Variants in DPYD observed in about 807,000 individuals in gnomAD.
DPYD encodes the protein dihydropyrimidine dehydrogenase, also known as dihydropyrimidine dehydrogenase [NADP(+)].
DPYD carries 109 observed loss-of-function variants against 116.2 expected under a neutral mutation model. The ratio of observed to expected loss-of-function variants is 0.94; its 90% CI spans 0.80 to 1.10. DPYD has a LOEUF of 1.10. DPYD is among the 50% of genes least tolerant of loss of function. The probability of loss-of-function intolerance (pLI) is 0.00; values close to 1 mark genes in which losing one functional copy is unlikely to be tolerated. For missense variants in DPYD, 1,302 were observed against 1,254.5 expected (o/e 1.04, Z -0.57); for synonymous variants, 440 against 432.0 (o/e 1.02, Z -0.23).
intron 16 of DPYD, among the ~76,000 whole-genome samples, chr1:97,359,157 G>C (rs1296073063): frequency 6.6e-6 from 1 of 152,004 alleles, no homozygotes; most frequent in Non-Finnish European, 1.5e-5. Context: ...CGAGAACTAC[G>C]TGACACATGC....
chr1:97,204,949 ATTTAAAGGGTCCC>A (rs1659488410), intron 19 of DPYD, among the ~76,000 whole-genome samples: 1 of 152,034 alleles, frequency 6.6e-6, no homozygotes, highest in Admixed American at 6.6e-5. Flanking sequence ...ATAATCCTAG[ATTTAAAGGGTCCC>A]TTTTGGCCTC....
chr1:97,111,684 A>G (rs1651609597), intron 20 of DPYD, among the ~76,000 whole-genome samples: 1 of 152,038 alleles, frequency 6.6e-6, no homozygotes, highest in South Asian at 2.1e-4. Flanking sequence ...AAAAATCTCC[A>G]ACCCCTCTAA....
At chr1:97,363,370 C>G (rs533575443) in intron 16 of DPYD, among the ~76,000 whole-genome samples, 1 of 152,130 alleles carries the variant, frequency 6.6e-6, no homozygotes, top group African/African-American at 2.4e-5. Context: ...TAAACTAGTT[C>G]AATCATTGTG....
chr1:97,446,443 CT>C (rs1557717329), intron 14 of DPYD, among the ~76,000 whole-genome samples: 1 of 152,170 alleles, frequency 6.6e-6, no homozygotes, highest in Non-Finnish European at 1.5e-5. Flanking sequence ...TGTAGATCAA[CT>C]TCTTTGGAAT....
intron 8 of DPYD, among the ~76,000 whole-genome samples, chr1:97,668,166 G>A (rs994092120): frequency 6.6e-6 from 1 of 152,050 alleles, no homozygotes; most frequent in African/African-American, 2.4e-5. Context: ...TATGCTATGT[G>A]TACTTACCAC....
At chr1:97,444,028 A>T (rs1033320200) in intron 14 of DPYD, among the ~76,000 whole-genome samples, 1 of 152,306 alleles carries the variant, frequency 6.6e-6, no homozygotes, top group East Asian at 1.9e-4. Flanking sequence ...GCTCAAATCC[A>T]AGTCCAAATG....
chr1:97,527,276 A>G (rs2102010430), intron 12 of DPYD, among the ~76,000 whole-genome samples: 1 of 152,098 alleles, frequency 6.6e-6, no homozygotes, highest in Admixed American at 6.6e-5. Flanking sequence ...ACAGGGTTTC[A>G]CCATGTTGGC....
At chr1:97,624,744 G>T (rs1423168433) in intron 8 of DPYD, among the ~76,000 whole-genome samples, 2 of 151,986 alleles carry the variant, frequency 1.3e-5, no homozygotes, top group African/African-American at 4.8e-5. Context: ...AATGGATAAA[G>T]AAAATGTATA....
intron 14 of DPYD, among the ~76,000 whole-genome samples, chr1:97,411,815 G>A (rs1342152569): frequency 1.3e-5 from 2 of 152,074 alleles, no homozygotes; most frequent in Non-Finnish European, 2.9e-5. Flanking sequence ...GAACCTTTCT[G>A]GTATAGACGT....
At chr1:97,084,025 C>A (rs1649336123) in intron 21 of DPYD, among the ~76,000 whole-genome samples, 1 of 151,960 alleles carries the variant, frequency 6.6e-6, no homozygotes, top group Non-Finnish European at 1.5e-5. Flanking sequence ...TAAGTTTCAT[C>A]CTCACATTCT....
chr1:97,398,452 G>A (rs1224293584), intron 14 of DPYD, among the ~76,000 whole-genome samples: 2 of 152,092 alleles, frequency 1.3e-5, no homozygotes, highest in Non-Finnish European at 2.9e-5. Flanking sequence ...AGTCCTTTGG[G>A]TATATACTCA....
intron 20 of DPYD, among the ~76,000 whole-genome samples, chr1:97,113,982 T>TTAG (rs982256561): frequency 9.2e-5 from 14 of 152,090 alleles, no homozygotes; most frequent in African/African-American, 2.7e-4. Context: ...CTCATCATTG[T>TTAG]TAGTAGCCAT....
chr1:97,309,274 G>C (rs1469445684), intron 16 of DPYD, among the ~76,000 whole-genome samples: 1 of 151,316 alleles, frequency 6.6e-6, no homozygotes, highest in Non-Finnish European at 1.5e-5. Context: ...CTTTCTAAAG[G>C]CATTAATGCT....
intron 12 of DPYD, among the ~76,000 whole-genome samples, chr1:97,517,382 G>T (rs1648308777): frequency 1.3e-5 from 2 of 152,054 alleles, no homozygotes; most frequent in Non-Finnish European, 2.9e-5. Flanking sequence ...TGAGGTGTGT[G>T]TATGTATATC....
At chr1:97,446,779 G>T (rs4612663) in intron 14 of DPYD, among the ~76,000 whole-genome samples, 124,960 of 152,010 alleles carry the variant, frequency 0.82, 51,651 homozygotes, top group Non-Finnish European at 0.87. Flanking sequence ...TTCATAAGGC[G>T]TTTGCATTGA....
At chr1:97,175,378 A>G (rs1657172165) in intron 20 of DPYD, among the ~76,000 whole-genome samples, 1 of 152,210 alleles carries the variant, frequency 6.6e-6, no homozygotes. Context: ...CAAAGGACAG[A>G]CTACCAAAAT....
intron 13 of DPYD, among the ~76,000 whole-genome samples, chr1:97,512,556 A>G (rs962208056): frequency 6.6e-6 from 1 of 152,024 alleles, no homozygotes; most frequent in African/African-American, 2.4e-5. Flanking sequence ...TAGCTCTCCA[A>G]GAGAACAAAA....
chr1:97,353,716 C>A (rs1056532993), intron 16 of DPYD, among the ~76,000 whole-genome samples: 3 of 149,660 alleles, frequency 2.0e-5, no homozygotes, highest in East Asian at 3.9e-4. Flanking sequence ...AAAATAGAGA[C>A]CATACAAATC....
At chr1:97,767,162 T>C (rs1483795705) in intron 3 of DPYD, among the ~76,000 whole-genome samples, 1 of 152,164 alleles carries the variant, frequency 6.6e-6, no homozygotes, top group Non-Finnish European at 1.5e-5. Flanking sequence ...GAACTTCATG[T>C]AGTATAGGAG....
Sources: gnomAD v4.1 joint callset for allele counts (sites outside exome capture counted in the v4.1 genomes callset) on GRCh38, gnomAD v4.1.1 for gene constraint, MANE v1.5 for transcripts, NCBI Gene and HGNC (gene_info 2026-07-23, HGNC 2026-07-21) for gene names.